The following PIK3R3 variants were observed in gnomAD, a reference collection of about 807,000 sequenced individuals.
PIK3R3 encodes the protein phosphatidylinositol 3-kinase regulatory subunit gamma.
A neutral mutation model predicts 62.9 loss-of-function variants in PIK3R3; 64 were observed. That is an observed-to-expected ratio of 1.02 (90% CI 0.83 to 1.25). The LOEUF (loss-of-function observed/expected upper bound fraction) is 1.25, where lower values mean the gene tolerates loss of function less well. PIK3R3 is among the 50% of genes most tolerant of loss of function. The pLI is 0.00. For missense variants in PIK3R3, 614 were observed against 561.6 expected (o/e 1.09, Z -0.94); for synonymous variants, 165 against 189.0 (o/e 0.87, Z 1.04).
chr1:46,056,837 C>T (rs1647966111), intron 6 of PIK3R3: 3 of 152,202 alleles, frequency 2.0e-5, no homozygotes, highest in Non-Finnish European at 4.4e-5. Flanking sequence ...TAAAGCTATA[C>T]ATTTGATATT....
At chr1:46,146,571 G>A in the PIK3R3 span, among the ~76,000 whole-genome samples, 1 of 152,066 alleles carries the variant, frequency 6.6e-6, no homozygotes, top group Non-Finnish European at 1.5e-5. Context: ...AATGTCAAAT[G>A]TTCCCTACAA....
At chr1:46,132,864 G>A (rs925062455), upstream of PIK3R3, 4 of 1,196,936 alleles carry the variant, frequency 3.3e-6, no homozygotes, top group African/African-American at 1.6e-5. Context: ...CCGCTCTCTA[G>A]GCTTCGGCTC....
the PIK3R3 span, among the ~76,000 whole-genome samples, chr1:46,163,469 G>A: frequency 6.6e-6 from 1 of 152,126 alleles, no homozygotes; most frequent in Non-Finnish European, 1.5e-5. Flanking sequence ...ACTTTTTGAG[G>A]TCCAAGGACA....
At chr1:46,077,651 A>G (rs373101551) in intron 2 of PIK3R3, 38 bp from the exon 3 acceptor site, 203 of 1,318,726 alleles carry the variant, frequency 1.5e-4, no homozygotes, top group Non-Finnish European at 2.1e-4. Context: ...AAAAAATGTC[A>G]ACACTGGTGG....
chr1:46,147,056 A>G, the PIK3R3 span, among the ~76,000 whole-genome samples: 1 of 152,172 alleles, frequency 6.6e-6, no homozygotes, highest in Non-Finnish European at 1.5e-5. Flanking sequence ...CTGCTTTCTC[A>G]GAACTTACCT....
chr1:46,066,852 A>G (rs1649037512), intron 4 of PIK3R3, 59 bp downstream of exon 4: 3 of 1,293,424 alleles, frequency 2.3e-6, no homozygotes, highest in South Asian at 1.2e-5. Flanking sequence ...AAATAAAATC[A>G]AATAAGGCTG....
At chr1:46,166,482 C>G in the PIK3R3 span, among the ~76,000 whole-genome samples, 1 of 152,274 alleles carries the variant, frequency 6.6e-6, no homozygotes, top group African/African-American at 2.4e-5. Context: ...CTCTGCCTCC[C>G]AAAGTGCTGG....
chr1:46,052,110 C>G (rs1383321991), intron 7 of PIK3R3, among the ~76,000 whole-genome samples: 1 of 151,838 alleles, frequency 6.6e-6, no homozygotes, highest in African/African-American at 2.4e-5. Context: ...TGCACTCCAG[C>G]CTGAGTGACA....
intron 1 of PIK3R3, among the ~76,000 whole-genome samples, chr1:46,106,676 T>A (rs1186935770): frequency 2.0e-5 from 3 of 152,228 alleles, no homozygotes; most frequent in Non-Finnish European, 4.4e-5. Context: ...TAGTTGGAAC[T>A]CATATTTCTT....
At chr1:46,072,731 C>T (rs1346320033) in intron 3 of PIK3R3, among the ~76,000 whole-genome samples, 1 of 152,054 alleles carries the variant, frequency 6.6e-6, no homozygotes, top group Non-Finnish European at 1.5e-5. Context: ...GGGAGGATCA[C>T]TTGAGACCCT....
chr1:46,166,684 C>T, the PIK3R3 span, among the ~76,000 whole-genome samples: 4 of 152,188 alleles, frequency 2.6e-5, no homozygotes, highest in Non-Finnish European at 5.9e-5. Context: ...TGCTAGTGAG[C>T]CCACTTCGCT....
chr1:46,088,163 T>C (rs965708307), intron 1 of PIK3R3, among the ~76,000 whole-genome samples: 2 of 152,172 alleles, frequency 1.3e-5, no homozygotes, highest in Admixed American at 6.5e-5. Context: ...GACAGGAGTA[T>C]TGCTTGAGCC....
upstream of PIK3R3, among the ~76,000 whole-genome samples, chr1:46,137,203 C>T (rs1284207983): frequency 2.0e-5 from 3 of 152,218 alleles, no homozygotes; most frequent in Admixed American, 1.3e-4. Context: ...CTCCCATTCA[C>T]TCACTTAGCA....
At chr1:46,110,919 AAAAG>A (rs1653689457) in intron 1 of PIK3R3, among the ~76,000 whole-genome samples, 1 of 152,068 alleles carries the variant, frequency 6.6e-6, no homozygotes, top group African/African-American at 2.4e-5. Flanking sequence ...GACCCATAAA[AAAAG>A]AAAGATGGTC....
At chr1:46,103,553 G>C (rs114914191) in intron 1 of PIK3R3, among the ~76,000 whole-genome samples, 2 of 151,514 alleles carry the variant, frequency 1.3e-5, no homozygotes, top group Non-Finnish European at 2.9e-5. Flanking sequence ...TGGGCAACAA[G>C]AGCGAGACTC....
In PIK3R3 at chr1:46,066,929, TGG is replaced by T; in HGVS notation, c.475_476del (p.Pro159SerfsTer14). The T allele has an allele frequency of 6.2e-7, 1 of 1,613,542 alleles. No homozygotes were observed. Among genetic ancestry groups the T allele is most frequent in the East Asian group, 2.2e-5 (1 of 44,836 alleles). On this transcript the variant is annotated frameshift_variant, in exon 4 of 10. Transcript: ENST00000262741. LOFTEE classifies it high-confidence loss of function. The stretch of plus-strand genomic sequence containing the variant: ...ATCATACCTGTTGGTATCTGGACAC[TGG>T]GTACATCAGCTTCACATCAAGTTTG... ...NPKLDVKLMYPVSRYQQDQLV... is the reference protein window; with the variant it reads ...NPKLDVKLMYXVSRYQQDQLV...
At chr1:46,100,741 T>C (rs1652582900) in intron 1 of PIK3R3, among the ~76,000 whole-genome samples, 3 of 152,220 alleles carry the variant, frequency 2.0e-5, no homozygotes, top group African/African-American at 4.8e-5. Context: ...GTTAATATGG[T>C]ATCCCAATTA....
chr1:46,166,938 C>G, the PIK3R3 span, among the ~76,000 whole-genome samples: 2 of 152,236 alleles, frequency 1.3e-5, no homozygotes, highest in Non-Finnish European at 2.9e-5. Context: ...GTTTAAGGAG[C>G]TCCCCAGACC....
chr1:46,079,322 T>C (rs1222768375), intron 2 of PIK3R3, among the ~76,000 whole-genome samples: 2 of 152,188 alleles, frequency 1.3e-5, no homozygotes, highest in East Asian at 3.8e-4. Flanking sequence ...ATGTATATAA[T>C]TCCCTCTTTA....
Sources: allele counts gnomAD v4.1 joint callset (sites outside exome capture counted in the v4.1 genomes callset), GRCh38; gene constraint gnomAD v4.1.1; transcripts MANE v1.5; gene names NCBI Gene and HGNC (gene_info 2026-07-23, HGNC 2026-07-21).